Variants in KCND2 observed in about 807,000 individuals in gnomAD.
The protein encoded by KCND2 is potassium voltage-gated channel subfamily D member 2.
KCND2 carries 16 observed loss-of-function variants against 54.4 expected under a neutral mutation model. That is an observed-to-expected ratio of 0.29 (90% confidence interval 0.20 to 0.45). The LOEUF (loss-of-function observed/expected upper bound fraction) is 0.45. Ranked by LOEUF, KCND2 falls within the 20% of genes least tolerant of loss-of-function variation. KCND2 has a pLI of 1.00. For synonymous variants in KCND2, 317 were observed against 310.7 expected (o/e 1.02, Z -0.21); for missense variants, 486 against 824.2 (o/e 0.59, Z 5.02).
Position 120,554,658 on chromosome 7 carries a change from T to C in KCND2, c.1116-178245T>C, listed in dbSNP as rs1020458020. Among the ~76,000 whole-genome samples, 4 of 151,976 alleles carry C rather than the reference T, an allele frequency of 2.6e-5. 1 individual carries two copies. Among genetic ancestry groups the C allele is most frequent in the Admixed American group, 1.3e-4 (2 of 15,264 alleles). Reference sequence around the variant, plus strand: ...CTCCTGACCTCGTGATCCGCCCGCCTCGGCCTCCCAAAGTGCTGGGATTAC... The same window carrying C: ...CTCCTGACCTCGTGATCCGCCCGCCCCGGCCTCCCAAAGTGCTGGGATTAC... On this transcript the variant is annotated intron_variant, in intron 1 of 5. Coordinates refer to ENST00000331113, the MANE Select transcript of KCND2 (RefSeq NM_012281.3).
At position 120,742,514 on chromosome 7, in the gene KCND2, C is replaced by T. The variant is rs1284717112; in HGVS notation, c.1379C>T (p.Ser460Leu). 1 of 1,613,166 alleles carries T rather than the reference C, an allele frequency of 6.2e-7. No individual in the cohort carries two copies. The change falls in exon 4 of 6, where the codon TCA becomes TTA. Residue 460 changes from serine (S) to leucine (L), a missense_variant. Ser to Leu is a moderately radical substitution (Grantham distance 145). Coordinates refer to ENST00000331113, the MANE Select transcript of KCND2 (RefSeq NM_012281.3). ...NGLLSNQLQS[S>L]EDEQAFVSKS... is the part of the protein sequence containing the mutation. ...CTGTCTTCTCTTTGTTAACAGTCCT[C>T]AGAGGATGAGCAGGCTTTTGTTAGC...
intron 1 of KCND2, among the ~76,000 whole-genome samples, chr7:120,633,000 A>G (rs904466535): frequency 3.3e-5 from 5 of 152,206 alleles, no homozygotes; most frequent in African/African-American, 9.6e-5. Context: ...ACCTGCAACA[A>G]TTCTCAGAAA....
intron 1 of KCND2, among the ~76,000 whole-genome samples, chr7:120,365,391 A>T (rs941567275): frequency 6.6e-6 from 1 of 152,134 alleles, no homozygotes; most frequent in African/African-American, 2.4e-5. Flanking sequence ...AGACAGTAGC[A>T]ATCTAGCAGG....
intron 1 of KCND2, among the ~76,000 whole-genome samples, chr7:120,393,038 A>T (rs1306205557): frequency 1.3e-5 from 2 of 152,022 alleles, no homozygotes; most frequent in Non-Finnish European, 2.9e-5. Context: ...GTTTGACACA[A>T]TGTGAAAAAT....
chr7:120,370,721 C>T (rs552455912), intron 1 of KCND2, among the ~76,000 whole-genome samples: 7 of 151,956 alleles, frequency 4.6e-5, no homozygotes, highest in Admixed American at 3.3e-4. Flanking sequence ...AAGATAACAG[C>T]GGAAAAGGGA....
At chr7:120,479,980 GAAAGAAAGA>G (rs1802583041) in intron 1 of KCND2, among the ~76,000 whole-genome samples, 1 of 137,894 alleles carries the variant, frequency 7.3e-6, no homozygotes, top group Non-Finnish European at 1.6e-5. Context: ...AAAAAAAAAA[GAAAGAAAGA>G]AGTATGAGCT....
At chr7:120,601,144 T>A (rs927915906) in intron 1 of KCND2, among the ~76,000 whole-genome samples, 1 of 152,170 alleles carries the variant, frequency 6.6e-6, no homozygotes, top group Admixed American at 6.5e-5. Flanking sequence ...TATACCTTCA[T>A]GGAGTTAATA....
At chr7:120,283,832 T>TATATAAGCC (rs1799300370) in intron 1 of KCND2, among the ~76,000 whole-genome samples, 1 of 152,150 alleles carries the variant, frequency 6.6e-6, no homozygotes, top group Non-Finnish European at 1.5e-5. Flanking sequence ...TTTCCAGGTG[T>TATATAAGCC]TTTGTTAGTT....
chr7:120,461,115 C>T (rs1271461644), intron 1 of KCND2, among the ~76,000 whole-genome samples: 1 of 152,148 alleles, frequency 6.6e-6, no homozygotes, highest in Non-Finnish European at 1.5e-5. Context: ...TAAACATATG[C>T]CTGCCTCCTT....
intron 1 of KCND2, among the ~76,000 whole-genome samples, chr7:120,292,038 A>G (rs919553850): frequency 6.6e-6 from 1 of 151,862 alleles, no homozygotes; most frequent in African/African-American, 2.4e-5. Context: ...TTGCTAAAAC[A>G]TAATCAGTAT....
chr7:120,745,825 G>A lies in KCND2; in HGVS notation c.1513G>A (p.Glu505Lys). The A allele has an allele frequency of 1.2e-6, 2 of 1,613,722 alleles. No individual in the cohort carries two copies. The highest frequency in any genetic ancestry group is 2.7e-5 in the African/African-American group (2 of 75,030). Residue 505 changes from glutamate (E) to lysine (K), a missense_variant, in exon 5 of 6, where the codon GAA (glutamate) becomes AAA (lysine). By Grantham distance (56) the Glu-to-Lys change is moderately conservative. Transcript: ENST00000331113. Reference protein sequence around the residue: ...DEQVFEESCMEVATVNRPSSH... With the variant: ...DEQVFEESCMKVATVNRPSSH... ...ACAAGTCTTTGAAGAAAGCTGCATG[G>A]AAGTTGCAACTGTTAATCGTCCTTC...
intron 1 of KCND2, among the ~76,000 whole-genome samples, chr7:120,641,524 C>T (rs1793375094): frequency 6.6e-6 from 1 of 152,142 alleles, no homozygotes; most frequent in Non-Finnish European, 1.5e-5. Flanking sequence ...CTCCCACTGA[C>T]TTTAATTGGA....
chr7:120,363,626 C>G (rs977010527), intron 1 of KCND2, among the ~76,000 whole-genome samples: 3 of 152,098 alleles, frequency 2.0e-5, no homozygotes, highest in Admixed American at 6.6e-5. Flanking sequence ...TGTCTCTGCT[C>G]AACCCTTGCT....
rs201072665 is a variant in KCND2, at chr7:120,275,302, C to A, written c.670C>A (p.Arg224=). The A allele has an allele frequency of 7.9e-4, 1,267 of 1,613,782 alleles. 15 individuals carry two copies. In the South Asian group the frequency reaches 0.011, roughly 14 times the overall value. ...CATTAAAGAACTGCCCTGTGGAGAG[C>A]GGTATGCTGTGGCCTTCTTCTGCTT... The part of the protein sequence containing the change: ...GHIKELPCGE[R]YAVAFFCLDT... The change falls in exon 1 of 6, where the codon CGG becomes AGG. Residue 224 remains arginine (R), a synonymous_variant. Transcript: ENST00000331113.
At chr7:120,595,574 T>A (rs1792733179) in intron 1 of KCND2, among the ~76,000 whole-genome samples, 1 of 96,928 alleles carries the variant, frequency 1.0e-5, no homozygotes, top group Admixed American at 1.3e-4. Context: ...TGTGTGTGTA[T>A]ATATATGTGT....
chr7:120,523,198 A>G (rs531849966), intron 1 of KCND2, among the ~76,000 whole-genome samples: 2 of 152,168 alleles, frequency 1.3e-5, no homozygotes, highest in Non-Finnish European at 2.9e-5. Flanking sequence ...TTTAGACACT[A>G]ACTTCATTTC....
chr7:120,671,206 G>T (rs1402195338), intron 1 of KCND2, among the ~76,000 whole-genome samples: 1 of 151,954 alleles, frequency 6.6e-6, no homozygotes, highest in Non-Finnish European at 1.5e-5. Context: ...TGTCACCAGG[G>T]TCCGGTTTCG....
chr7:120,475,187 A>C (rs900197574), intron 1 of KCND2, among the ~76,000 whole-genome samples: 3 of 152,232 alleles, frequency 2.0e-5, no homozygotes, highest in African/African-American at 7.2e-5. Flanking sequence ...ATTTTCAAAC[A>C]TTATGCCCTT....
At chr7:120,451,723 A>G (rs1347640281) in intron 1 of KCND2, among the ~76,000 whole-genome samples, 1 of 152,208 alleles carries the variant, frequency 6.6e-6, no homozygotes, top group African/African-American at 2.4e-5. Flanking sequence ...CCGCACAATC[A>G]CTACCAATCA....
Sources: gnomAD v4.1 joint callset for allele counts (sites outside exome capture counted in the v4.1 genomes callset) on GRCh38, gnomAD v4.1.1 for gene constraint, MANE v1.5 for transcripts, NCBI Gene and HGNC (gene_info 2026-07-23, HGNC 2026-07-21) for gene names.